Variants in PPM1E observed in about 807,000 individuals in gnomAD.
PPM1E encodes the protein protein phosphatase 1E.
Under a neutral mutation model 65.9 loss-of-function variants are expected in PPM1E, and 20 were observed. That is an observed-to-expected ratio of 0.30 (90% CI 0.21 to 0.44). The LOEUF (loss-of-function observed/expected upper bound fraction) is 0.44, where lower values mean the gene tolerates loss of function less well. PPM1E is among the 20% of genes least tolerant of loss of function. The pLI is 1.00. For synonymous variants in PPM1E, 352 were observed against 374.9 expected, an observed-to-expected ratio of 0.94 and a Z score of 0.70; for missense variants, 713 against 953.1, an observed-to-expected ratio of 0.75 and a Z score of 3.32.
intron 1 of PPM1E, among the ~76,000 whole-genome samples, chr17:58,788,728 A>G (rs1476398836): frequency 6.6e-6 from 1 of 152,218 alleles, no homozygotes; most frequent in East Asian, 1.9e-4. Context: ...TGCAGAATTT[A>G]AAGACTAAGA....
rs1441266360 is a variant in PPM1E, at chr17:58,982,603, G to C, written c.*1572G>C. On this transcript the variant is annotated 3_prime_UTR_variant, in exon 7 of 7. Transcript: ENST00000308249. ...GATGACTGGCATATTTTGGATACCAGTATAGCTATATCAAATAGACAAAAA... is the reference window on the plus strand; with the variant it reads ...GATGACTGGCATATTTTGGATACCACTATAGCTATATCAAATAGACAAAAA... 3 of 344,998 alleles carry C rather than the reference G, an allele frequency of 8.7e-6. No individual in the cohort carries two copies. Among genetic ancestry groups the C allele is most frequent in the African/African-American group, 2.1e-5 (1 of 47,364 alleles). 21.4% of individuals were successfully genotyped at this position (344,998 alleles called of 1,614,324 possible). A position where few individuals can be genotyped will look rare whatever the true frequency, so the allele number is the denominator to read the frequency against.
At position 58,978,690 on chromosome 17, in the gene PPM1E, G is replaced by A. The variant is rs549856008; in HGVS notation, c.1211-1284G>A. On this transcript the variant is annotated intron_variant, in intron 6 of 6. Transcript: ENST00000308249. Reference sequence around the variant, plus strand: ...TGTGCCACTGCACTCCAGCCTGGGCGACAAAAAATAAAAATAAAAATAAAA... The same window carrying A: ...TGTGCCACTGCACTCCAGCCTGGGCAACAAAAAATAAAAATAAAAATAAAA... 7.9e-5 allele frequency among the ~76,000 whole-genome samples: 12 copies of A among 152,110 alleles called. No individual in the cohort carries two copies. The East Asian group carries it at 2.3e-3, about 29-fold the overall frequency.
At chr17:58,756,906 C>T (rs1437798468) in intron 1 of PPM1E, among the ~76,000 whole-genome samples, 1 of 152,182 alleles carries the variant, frequency 6.6e-6, no homozygotes, top group Non-Finnish European at 1.5e-5. Flanking sequence ...TTTTCCCGGG[C>T]TGAGTGCCTT....
intron 1 of PPM1E, among the ~76,000 whole-genome samples, chr17:58,780,247 G>A (rs536761972): frequency 2.6e-5 from 4 of 152,228 alleles, no homozygotes; most frequent in Non-Finnish European, 5.9e-5. Context: ...CATGGCTCAC[G>A]CCTGTAATCC....
rs531819144 is a variant in PPM1E, at chr17:58,906,409, G to A, written c.465-49240G>A. Among the ~76,000 whole-genome samples the A allele has an allele frequency of 7.2e-5, 11 of 152,188 alleles. No homozygotes were observed. In the South Asian group the frequency reaches 1.9e-3, roughly 26 times the overall value. On this transcript the variant is annotated intron_variant, in intron 1 of 6. Coordinates refer to ENST00000308249, the MANE Select transcript of PPM1E (RefSeq NM_014906.5). ...GCTGGAGTGCAGTGGCACTGCCAGG[G>A]CTCACTGCAGCTTCAATCTCCCAGG...
At chr17:58,778,358 C>T (rs1274130848) in intron 1 of PPM1E, among the ~76,000 whole-genome samples, 1 of 151,414 alleles carries the variant, frequency 6.6e-6, no homozygotes, top group Non-Finnish European at 1.5e-5. Context: ...CCTTGGCCTC[C>T]CAAAGTGTTG....
At chr17:58,979,179 T>TAAC (rs2031213086) in intron 6 of PPM1E, among the ~76,000 whole-genome samples, 1 of 151,930 alleles carries the variant, frequency 6.6e-6, no homozygotes, top group Non-Finnish European at 1.5e-5. Context: ...AAATGCACAA[T>TAAC]AACAATAAAG....
chr17:58,786,115 C>T (rs973017574), intron 1 of PPM1E, among the ~76,000 whole-genome samples: 3 of 151,096 alleles, frequency 2.0e-5, no homozygotes, highest in Admixed American at 6.6e-5. Context: ...CCCGGGTTCA[C>T]GCCATTCTCC....
At chr17:58,841,033 C>T (rs1468286798) in intron 1 of PPM1E, among the ~76,000 whole-genome samples, 4 of 152,110 alleles carry the variant, frequency 2.6e-5, no homozygotes, top group Admixed American at 1.3e-4. Flanking sequence ...ATTGTGCAAA[C>T]GGGATGTTTG....
chr17:58,846,341 A>G (rs746828843), intron 1 of PPM1E, among the ~76,000 whole-genome samples: 14 of 152,136 alleles, frequency 9.2e-5, no homozygotes, highest in Non-Finnish European at 1.8e-4. Context: ...ACATATGTAT[A>G]TGTGTGCCAT....
chr17:58,862,538 TA>T (rs1295327954), intron 1 of PPM1E, among the ~76,000 whole-genome samples: 1 of 152,248 alleles, frequency 6.6e-6, no homozygotes, highest in Non-Finnish European at 1.5e-5. Flanking sequence ...AATTCATTAC[TA>T]GAATATACTT....
At chr17:58,786,684 A>T (rs1437591186) in intron 1 of PPM1E, among the ~76,000 whole-genome samples, 2 of 152,226 alleles carry the variant, frequency 1.3e-5, no homozygotes, top group African/African-American at 4.8e-5. Context: ...TGGGTAACTA[A>T]AACTTCAAAA....
intron 1 of PPM1E, among the ~76,000 whole-genome samples, chr17:58,891,929 C>T (rs1274604398): frequency 3.3e-5 from 5 of 150,430 alleles, no homozygotes; most frequent in Admixed American, 6.6e-5. Flanking sequence ...TGCACCTCCC[C>T]GGTTCAAATG....
At chr17:58,829,328 C>T (rs761741430) in intron 1 of PPM1E, among the ~76,000 whole-genome samples, 7 of 152,346 alleles carry the variant, frequency 4.6e-5, no homozygotes, top group Non-Finnish European at 8.8e-5. Flanking sequence ...AGGCGTGAGC[C>T]ACCGTGCCTG....
chr17:58,884,736 C>G (rs1021032746), intron 1 of PPM1E, among the ~76,000 whole-genome samples: 2 of 152,118 alleles, frequency 1.3e-5, no homozygotes, highest in African/African-American at 4.8e-5. Context: ...TCCTATTTTC[C>G]TCATCTGTAA....
chr17:58,828,220 G>A (rs1298841126), intron 1 of PPM1E, among the ~76,000 whole-genome samples: 1 of 150,982 alleles, frequency 6.6e-6, no homozygotes, highest in Non-Finnish European at 1.5e-5. Context: ...ATCTCAAATA[G>A]TAATAATAAT....
intron 1 of PPM1E, among the ~76,000 whole-genome samples, chr17:58,855,703 T>C (rs1013322467): frequency 1.3e-5 from 2 of 152,214 alleles, no homozygotes. Flanking sequence ...TTTAAATATA[T>C]AGGGAAATTT....
At chr17:58,780,862 T>A (rs182589987) in intron 1 of PPM1E, among the ~76,000 whole-genome samples, 1 of 152,296 alleles carries the variant, frequency 6.6e-6, no homozygotes, top group African/African-American at 2.4e-5. Flanking sequence ...TAGCTTTTTA[T>A]GTTCATTGGG....
chr17:58,866,902 T>C (rs1040613053), intron 1 of PPM1E, among the ~76,000 whole-genome samples: 5 of 152,174 alleles, frequency 3.3e-5, no homozygotes, highest in Admixed American at 3.3e-4. Context: ...TCATTTGATA[T>C]CAAAGATGAC....
Sources: gnomAD v4.1 joint callset for allele counts (sites outside exome capture counted in the v4.1 genomes callset) on GRCh38, gnomAD v4.1.1 for gene constraint, MANE v1.5 for transcripts, NCBI Gene and HGNC (gene_info 2026-07-23, HGNC 2026-07-21) for gene names.